Variants in ABLIM2 observed in about 807,000 individuals in gnomAD.
ABLIM2 encodes actin binding LIM protein family member 2.
ABLIM2 carries 53 observed loss-of-function variants against 97.7 expected under a neutral mutation model. The observed-to-expected ratio is 0.54, with a 90% confidence interval of 0.44 to 0.68. ABLIM2 has a LOEUF of 0.68. ABLIM2 is among the 30% of genes least tolerant of loss of function. The probability of loss-of-function intolerance (pLI) is 0.00; values close to 1 mark genes in which losing one functional copy is unlikely to be tolerated. For synonymous variants in ABLIM2, 361 were observed against 345.8 expected (o/e 1.04, Z -0.49); for missense variants, 835 against 867.2 (o/e 0.96, Z 0.47).
intron 20 of ABLIM2, among the ~76,000 whole-genome samples, chr4:7,972,523 A>C (rs1381240055): frequency 6.6e-6 from 1 of 152,210 alleles, no homozygotes; most frequent in Non-Finnish European, 1.5e-5. Context: ...GTCTGCTCAC[A>C]GCACTGTCCC....
intron 2 of ABLIM2, among the ~76,000 whole-genome samples, chr4:8,100,749 GAAAAAAAAA>G (rs57318831): frequency 4.0e-5 from 4 of 100,216 alleles, no homozygotes; most frequent in East Asian, 3.0e-4. Context: ...TCCATCTCAG[GAAAAAAAAA>G]AAAAAAAAAA....
At position 8,020,322 on chromosome 4, in the gene ABLIM2, A is replaced by G; in HGVS notation, c.1268-19T>C. The G allele has an allele frequency of 6.2e-7, 1 of 1,604,728 alleles. No individual in the cohort carries two copies. Among genetic ancestry groups the G allele is most frequent in the Non-Finnish European group, 8.5e-7 (1 of 1,172,074 alleles). On this transcript the variant is annotated intron_variant, in intron 12 of 20. Coordinates refer to ENST00000447017, the MANE Select transcript of ABLIM2 (RefSeq NM_001130083.2). Reference sequence around the variant, plus strand: ...TCACTGCCTCCAGACGGAAGGGCAAAGGCAGCAGATAGAAGGGGAAACGGG... The same window carrying G: ...TCACTGCCTCCAGACGGAAGGGCAAGGGCAGCAGATAGAAGGGGAAACGGG...
chr4:8,004,170 C>T lies in ABLIM2; in HGVS notation c.1618+3889G>A, dbSNP rs1372497703. The stretch of plus-strand genomic sequence containing the variant: ...GCTGTCTCCTAACCCTCCCTCCCAA[C>T]GGGCTCCGAGACCAGGCAGCAGAGA... On this transcript the variant is annotated intron_variant, in intron 16 of 20. Transcript: ENST00000447017. This position sits in a 1 kb window ranked among gnomAD's most constrained non-coding sequence, Gnocchi z 5.9. Among the ~76,000 whole-genome samples, 7 of 152,000 alleles carry T rather than the reference C, an allele frequency of 4.6e-5. No homozygotes were observed. The South Asian group carries it at 1.0e-3, about 23-fold the overall frequency.
At chr4:8,042,572 G>A (rs771526517) in intron 9 of ABLIM2, among the ~76,000 whole-genome samples, 2 of 152,164 alleles carry the variant, frequency 1.3e-5, no homozygotes, top group African/African-American at 2.4e-5. Context: ...CAGGCACAGC[G>A]GCTCACGCCT....
chr4:8,070,161 GTA>G (rs528454930), intron 6 of ABLIM2, among the ~76,000 whole-genome samples: 1 of 151,870 alleles, frequency 6.6e-6, no homozygotes, highest in African/African-American at 2.4e-5. Context: ...GTCTGTGTGT[GTA>G]TGTGTGTGGC....
At chr4:8,018,306 G>A (rs1770990073) in intron 14 of ABLIM2, among the ~76,000 whole-genome samples, 1 of 152,232 alleles carries the variant, frequency 6.6e-6, no homozygotes, top group South Asian at 2.1e-4. Context: ...ACTCCAGGCA[G>A]GCTGTTCAGG....
intron 1 of ABLIM2, among the ~76,000 whole-genome samples, chr4:8,133,645 C>T (rs1849754316): frequency 6.6e-6 from 1 of 152,202 alleles, no homozygotes; most frequent in South Asian, 2.1e-4. Context: ...GCTCTCCTCG[C>T]CCCTCACCCC....
At chr4:8,146,100 G>T (rs1285260267) in intron 1 of ABLIM2, among the ~76,000 whole-genome samples, 1 of 152,210 alleles carries the variant, frequency 6.6e-6, no homozygotes, top group Non-Finnish European at 1.5e-5. Flanking sequence ...TGTAAGAAAT[G>T]ATGCGTCCTG....
intron 17 of ABLIM2, among the ~76,000 whole-genome samples, chr4:7,989,045 A>C (rs979962457): frequency 1.6e-4 from 23 of 143,172 alleles, no homozygotes; most frequent in African/African-American, 5.9e-4. Flanking sequence ...GTGTACATTT[A>C]ATTTTTTGTT....
chr4:7,990,022 A>G (rs1747460856), intron 17 of ABLIM2, among the ~76,000 whole-genome samples: 1 of 152,118 alleles, frequency 6.6e-6, no homozygotes, highest in Non-Finnish European at 1.5e-5. Flanking sequence ...ATTGTGCTTT[A>G]GGTCACTGGG....
At chr4:8,146,703 T>A (rs1054731020) in intron 1 of ABLIM2, among the ~76,000 whole-genome samples, 1 of 152,114 alleles carries the variant, frequency 6.6e-6, no homozygotes, top group Non-Finnish European at 1.5e-5. Flanking sequence ...CTAATTTTTT[T>A]ATTTTTTGTA....
chr4:8,052,188 T>C (rs58061467), intron 8 of ABLIM2, among the ~76,000 whole-genome samples: 12,294 of 152,252 alleles, frequency 0.081, 1,356 homozygotes, highest in African/African-American at 0.25. Context: ...AGGGTGGTGT[T>C]CCCATGCACA....
At chr4:8,098,795 C>T (rs926376261) in intron 2 of ABLIM2, among the ~76,000 whole-genome samples, 1 of 152,150 alleles carries the variant, frequency 6.6e-6, no homozygotes, top group Non-Finnish European at 1.5e-5. Context: ...TCCCGTGAGC[C>T]AGTGCGATGT....
chr4:8,134,139 G>C (rs1295582015), intron 1 of ABLIM2, among the ~76,000 whole-genome samples: 5 of 152,208 alleles, frequency 3.3e-5, no homozygotes, highest in African/African-American at 1.2e-4. Flanking sequence ...AGGTACAGAG[G>C]CTCCGAGGCC....
At chr4:8,105,910 C>G (rs3923253) in intron 2 of ABLIM2, among the ~76,000 whole-genome samples, 55,984 of 151,766 alleles carry the variant, frequency 0.37, 10,748 homozygotes, top group East Asian at 0.64. Context: ...CTCCGTTGGC[C>G]GGGCCCGGTT....
At position 8,002,038 on chromosome 4, in the gene ABLIM2, T is replaced by C. The variant is rs1391564975; in HGVS notation, c.1618+6021A>G. On this transcript the variant is annotated intron_variant, in intron 16 of 20. Coordinates refer to ENST00000447017, the MANE Select transcript of ABLIM2 (RefSeq NM_001130083.2). This position sits in a 1 kb window ranked among gnomAD's most constrained non-coding sequence, Gnocchi z 6.1. ...GGGCCAGGCAGGAGATCACACCTGATTTGAGTCTCAGACCCTCTTGAGAAA... is the reference window on the plus strand; with the variant it reads ...GGGCCAGGCAGGAGATCACACCTGACTTGAGTCTCAGACCCTCTTGAGAAA... Among the ~76,000 whole-genome samples, 4 of 152,168 alleles carry C rather than the reference T, an allele frequency of 2.6e-5. No individual in the cohort carries two copies. The highest frequency in any genetic ancestry group is 6.5e-5 in the Admixed American group (1 of 15,278).
intron 9 of ABLIM2, among the ~76,000 whole-genome samples, chr4:8,040,529 T>C (rs926307536): frequency 6.6e-6 from 1 of 151,448 alleles, no homozygotes; most frequent in Non-Finnish European, 1.5e-5. Flanking sequence ...GAGAGTTGCT[T>C]GAACCCGGGA....
chr4:8,136,186 G>A (rs1193956558), intron 1 of ABLIM2, among the ~76,000 whole-genome samples: 1 of 152,194 alleles, frequency 6.6e-6, no homozygotes, highest in East Asian at 1.9e-4. Flanking sequence ...ACCATGCCCA[G>A]TCCCAGAAGG....
chr4:8,155,837 G>A lies in ABLIM2; in HGVS notation c.10+2843C>T, dbSNP rs939184129. 6.6e-6 allele frequency among the ~76,000 whole-genome samples: 1 copy of A among 151,698 alleles called. No homozygotes were observed. Among genetic ancestry groups the A allele is most frequent in the African/African-American group, 2.4e-5 (1 of 41,288 alleles). On this transcript the variant is annotated intron_variant, in intron 1 of 20. Coordinates refer to ENST00000447017, the MANE Select transcript of ABLIM2 (RefSeq NM_001130083.2). The surrounding 1 kb of genome is among the most constrained non-coding windows in gnomAD (Gnocchi z 4.2). The stretch of plus-strand genomic sequence containing the variant: ...GACACACACAAAGGGAAGACGGGGC[G>A]AGGACACAGACACACACAAAGGGAA...
Sources: allele counts gnomAD v4.1 joint callset (sites outside exome capture counted in the v4.1 genomes callset), GRCh38; gene constraint gnomAD v4.1.1; non-coding constraint Gnocchi (gnomAD v3.1); transcripts MANE v1.5; gene names NCBI Gene and HGNC (gene_info 2026-07-23, HGNC 2026-07-21).